TANGO6: variants seen among roughly 807,000 people sequenced by gnomAD.
TANGO6 encodes the protein transport and Golgi organization protein 6 homolog.
A neutral mutation model predicts 114.2 loss-of-function variants in TANGO6; 90 were observed. That is an observed-to-expected ratio of 0.79 (90% CI 0.66 to 0.94). TANGO6 has a LOEUF of 0.94. TANGO6 is among the 40% of genes least tolerant of loss of function. TANGO6 has a pLI of 0.00. For synonymous variants in TANGO6, 477 were observed against 509.8 expected (o/e 0.94, Z 0.87); for missense variants, 1,274 against 1,315.3 (o/e 0.97, Z 0.49).
At chr16:68,973,907 C>T in intron 14 of TANGO6, 121 bp from the exon 15 acceptor site, 2 of 1,174,570 alleles carry the variant, frequency 1.7e-6, no homozygotes, top group Non-Finnish European at 2.4e-6. Flanking sequence ...GCAGCCCTTG[C>T]TGGGAGAGCT....
chr16:68,929,996 G>A (rs1023402916), intron 13 of TANGO6, among the ~76,000 whole-genome samples: 20 of 152,090 alleles, frequency 1.3e-4, no homozygotes, highest in African/African-American at 3.1e-4. Context: ...TTCTTCCATC[G>A]GTTTCCAGGA....
intron 9 of TANGO6, among the ~76,000 whole-genome samples, chr16:68,903,130 G>A (rs1464802525): frequency 4.6e-5 from 7 of 152,094 alleles, no homozygotes; most frequent in Admixed American, 4.6e-4. Flanking sequence ...ATCCTGTTTG[G>A]ATTTCACATC....
At chr16:68,927,546 C>T in intron 12 of TANGO6, 22 bp from the exon 13 acceptor site, 1 of 1,601,594 alleles carries the variant, frequency 6.2e-7, no homozygotes, top group South Asian at 1.1e-5. Context: ...TTGGGTTTGA[C>T]ATTTTTTATT....
At chr16:68,848,499 G>A (rs1961850566) in intron 1 of TANGO6, among the ~76,000 whole-genome samples, 1 of 150,750 alleles carries the variant, frequency 6.6e-6, no homozygotes, top group Non-Finnish European at 1.5e-5. Flanking sequence ...AACTTCTAGT[G>A]CAGAGACAAT....
chr16:69,039,493 A>C (rs1182800583), intron 16 of TANGO6, among the ~76,000 whole-genome samples: 1 of 151,880 alleles, frequency 6.6e-6, no homozygotes, highest in Non-Finnish European at 1.5e-5. Flanking sequence ...CAAATTAGCC[A>C]GGCATGGTGG....
intron 15 of TANGO6, among the ~76,000 whole-genome samples, chr16:69,017,137 C>G (rs1959313933): frequency 6.6e-6 from 1 of 152,038 alleles, no homozygotes; most frequent in Admixed American, 6.6e-5. Context: ...AATACTGGAG[C>G]TGTTGTTAAT....
intron 15 of TANGO6, among the ~76,000 whole-genome samples, chr16:69,006,468 G>T (rs923910332): frequency 6.6e-6 from 1 of 152,028 alleles, no homozygotes; most frequent in African/African-American, 2.4e-5. Context: ...TTCTGGCTGG[G>T]TGCGGTGGCT....
At chr16:68,967,328 G>A (rs57584676) in intron 14 of TANGO6, among the ~76,000 whole-genome samples, 3 of 152,220 alleles carry the variant, frequency 2.0e-5, no homozygotes, top group Non-Finnish European at 2.9e-5. Flanking sequence ...TCACAATAGG[G>A]TTCACACTCC....
chr16:69,019,119 G>A lies in TANGO6; in HGVS notation c.2843-3709G>A, dbSNP rs535362624. 1.8e-4 allele frequency among the ~76,000 whole-genome samples: 27 copies of A among 152,174 alleles called. No homozygotes were observed. In the South Asian group the frequency reaches 5.6e-3, roughly 32 times the overall value. ...CACTGCATAGTAATCCGTAATATGGGTATACCATGGTTATTTAACCTTTCC... is the reference window on the plus strand; with the variant it reads ...CACTGCATAGTAATCCGTAATATGGATATACCATGGTTATTTAACCTTTCC... On this transcript the variant is annotated intron_variant, in intron 15 of 17. Coordinates refer to ENST00000261778, the MANE Select transcript of TANGO6 (RefSeq NM_024562.2).
At chr16:68,932,278 C>T (rs999858190) in intron 14 of TANGO6, among the ~76,000 whole-genome samples, 3 of 151,846 alleles carry the variant, frequency 2.0e-5, no homozygotes, top group South Asian at 2.1e-4. Context: ...TTAGTAGAGA[C>T]GGGGGTTTCT....
intron 1 of TANGO6, among the ~76,000 whole-genome samples, chr16:68,850,679 T>C (rs979142183): frequency 1.3e-5 from 2 of 152,194 alleles, no homozygotes; most frequent in African/African-American, 4.8e-5. Context: ...GCCCATATGG[T>C]CTCTGTTGTA....
At chr16:68,996,363 T>C (rs1048946853) in intron 15 of TANGO6, among the ~76,000 whole-genome samples, 4 of 152,202 alleles carry the variant, frequency 2.6e-5, no homozygotes, top group African/African-American at 7.2e-5. Flanking sequence ...CTGTGTCGAC[T>C]CTGGCTCACA....
chr16:68,872,087 G>A (rs1962279384), intron 4 of TANGO6, among the ~76,000 whole-genome samples: 2 of 151,718 alleles, frequency 1.3e-5, no homozygotes, highest in South Asian at 4.2e-4. Flanking sequence ...AAAAATTAGT[G>A]GTGCGTGCCT....
chr16:69,037,668 G>A (rs1332615344), intron 16 of TANGO6, among the ~76,000 whole-genome samples: 5 of 152,186 alleles, frequency 3.3e-5, no homozygotes, highest in Non-Finnish European at 7.3e-5. Context: ...AATGCCACAG[G>A]CATGGAAGCC....
chr16:68,879,355 C>T (rs748441497), intron 6 of TANGO6, among the ~76,000 whole-genome samples: 24 of 151,764 alleles, frequency 1.6e-4, no homozygotes, highest in South Asian at 1.5e-3. Flanking sequence ...TGGTGGTGCA[C>T]GCCTGTATTC....
At chr16:69,031,680 CAG>C (rs955616873) in intron 16 of TANGO6, among the ~76,000 whole-genome samples, 5 of 150,724 alleles carry the variant, frequency 3.3e-5, no homozygotes, top group Admixed American at 6.6e-5. Flanking sequence ...TTTTTTGATA[CAG>C]AGTTTTGCTC....
intron 12 of TANGO6, among the ~76,000 whole-genome samples, chr16:68,925,461 G>A (rs947739049): frequency 6.6e-6 from 1 of 152,108 alleles, no homozygotes; most frequent in African/African-American, 2.4e-5. Flanking sequence ...AAGTCAGGTT[G>A]TTCATTTTCT....
chr16:68,862,865 C>A, intron 2 of TANGO6, 80 bp from the exon 3 acceptor site: 2 of 910,740 alleles, frequency 2.2e-6, no homozygotes, highest in Non-Finnish European at 3.5e-6. Context: ...ACAAGTATCT[C>A]TGTACAGTGT....
chr16:69,017,229 T>C (rs1266198749), intron 15 of TANGO6, among the ~76,000 whole-genome samples: 1 of 152,156 alleles, frequency 6.6e-6, no homozygotes, highest in Non-Finnish European at 1.5e-5. Flanking sequence ...TTGTTATTGC[T>C]TGGTCAGTAT....
Sources: gnomAD v4.1 joint callset for allele counts (sites outside exome capture counted in the v4.1 genomes callset) on GRCh38, gnomAD v4.1.1 for gene constraint, MANE v1.5 for transcripts, NCBI Gene and HGNC (gene_info 2026-07-23, HGNC 2026-07-21) for gene names.